The following TCF25 variants were observed in gnomAD, a reference collection of about 807,000 sequenced individuals.
The protein encoded by TCF25 is ribosome quality control complex subunit TCF25.
TCF25 carries 41 observed loss-of-function variants against 83.1 expected under a neutral mutation model. The ratio of observed to expected loss-of-function variants is 0.49; its 90% CI spans 0.38 to 0.64. The LOEUF is 0.64. TCF25 is among the 30% of genes least tolerant of loss of function. The pLI, the probability that TCF25 is intolerant of heterozygous loss-of-function variation, is 0.00. For synonymous variants in TCF25, 458 were observed against 365.0 expected (o/e 1.25, Z -2.90); for missense variants, 979 against 914.5 (o/e 1.07, Z -0.91).
intron 1 of TCF25, among the ~76,000 whole-genome samples, chr16:89,880,894 G>T (rs777149392): frequency 6.6e-6 from 1 of 152,214 alleles, no homozygotes; most frequent in African/African-American, 2.4e-5. Flanking sequence ...AAGGCAGCCG[G>T]CCCATGCCTA....
At chr16:89,876,256 A>G (rs1041627365) in intron 1 of TCF25, among the ~76,000 whole-genome samples, 2 of 152,160 alleles carry the variant, frequency 1.3e-5, no homozygotes, top group African/African-American at 4.8e-5. Flanking sequence ...TAAGCATTCC[A>G]TACTTTTTTG....
rs750295801 is a variant in TCF25 at position 89,905,113 on chromosome 16, C to G, written c.1628+17C>G. On this transcript the variant is annotated intron_variant, in intron 14 of 17. Transcript: ENST00000263346. The stretch of plus-strand genomic sequence containing the variant: ...TGAGAACCGGTGAGCTAGGGGTTGA[C>G]ACAAGCCCTGCCACGCCCCCTCCTC... 1 of 1,567,000 alleles carries G rather than the reference C, an allele frequency of 6.4e-7. No individual in the cohort carries two copies. The highest frequency in any genetic ancestry group is 8.7e-7 in the Non-Finnish European group (1 of 1,156,062).
chr16:89,889,410 C>CA (rs770715694), intron 5 of TCF25: 2 of 254,458 alleles, frequency 7.9e-6, no homozygotes, highest in Non-Finnish European at 1.5e-5. Context: ...CTCCTGGCTT[C>CA]AAGCGATTCT....
At chr16:89,903,497 C>T (rs1015083685) in intron 12 of TCF25, among the ~76,000 whole-genome samples, 8 of 151,912 alleles carry the variant, frequency 5.3e-5, no homozygotes, top group African/African-American at 1.7e-4. Flanking sequence ...ACGGTGAAAC[C>T]CTTTCTCTAC....
intron 12 of TCF25, 21 bp from the exon 13 acceptor site, chr16:89,904,097 G>A (rs1391012944): frequency 2.5e-6 from 4 of 1,596,746 alleles, no homozygotes; most frequent in Non-Finnish European, 3.4e-6. Flanking sequence ...GGCCCCCACA[G>A]AGCCTCCGCT....
In TCF25 at chr16:89,883,515, G is replaced by C. The variant is rs538335356; in HGVS notation, c.354+3G>C. The C allele has an allele frequency of 1.3e-6, 2 of 1,595,652 alleles. No individual in the cohort carries two copies. Among genetic ancestry groups the C allele is most frequent in the East Asian group, 2.3e-5 (1 of 44,150 alleles). ...CCGAGACAGTGCCCTCAGAGCAGGTGGGGGGCTGAGTGGTGAGGAGGTGGC... is the reference window on the plus strand; with the variant it reads ...CCGAGACAGTGCCCTCAGAGCAGGTCGGGGGCTGAGTGGTGAGGAGGTGGC... On this transcript the variant is annotated splice_donor_region_variant and intron_variant, in intron 2 of 17. Transcript: ENST00000263346.
At chr16:89,874,770 CTAATTTTTT>C (rs1235107713) in intron 1 of TCF25, 2 of 151,848 alleles carry the variant, frequency 1.3e-5, no homozygotes, top group Admixed American at 1.3e-4. Flanking sequence ...CCACGCCCGG[CTAATTTTTT>C]TTTTTTTTCT....
chr16:89,887,689 G>A lies in TCF25; in HGVS notation c.586G>A (p.Gly196Ser). 1 of 1,589,362 alleles carries A rather than the reference G, an allele frequency of 6.3e-7. No homozygotes were observed. The highest frequency in any genetic ancestry group is 8.5e-7 in the Non-Finnish European group (1 of 1,172,610). Residue 196 changes from glycine (G) to serine (S), a missense_variant, in exon 5 of 18, where the codon GGT (glycine) becomes AGT (serine). By Grantham distance (56) the Gly-to-Ser change is moderately conservative (BLOSUM62 0). Coordinates refer to ENST00000263346, the MANE Select transcript of TCF25 (RefSeq NM_014972.3). ...NPDTELKRYFGARAILGEQRP... is the reference protein window; with the variant it reads ...NPDTELKRYFSARAILGEQRP... ...AGACACAGAACTGAAAAGGTATTTT[G>A]GTGCCCGGGCAATCCTGGGGGAGCA...
At chr16:89,907,149 G>T in intron 15 of TCF25, 94 bp from the exon 16 acceptor site, 1 of 1,249,648 alleles carries the variant, frequency 8.0e-7, no homozygotes, top group Non-Finnish European at 1.2e-6. Flanking sequence ...GATGCATCCA[G>T]TCCATGCTGG....
intron 1 of TCF25, among the ~76,000 whole-genome samples, chr16:89,877,497 A>G (rs1483353861): frequency 6.6e-6 from 1 of 152,228 alleles, no homozygotes; most frequent in Non-Finnish European, 1.5e-5. Context: ...GTGGGATGCA[A>G]CTGAAACGAT....
chr16:89,899,683 G>A (rs993357267), intron 11 of TCF25, among the ~76,000 whole-genome samples: 5 of 151,818 alleles, frequency 3.3e-5, no homozygotes, highest in African/African-American at 7.3e-5. Context: ...AGCCGAGATC[G>A]CGCCATTGCA....
At chr16:89,908,103 A>G in intron 16 of TCF25, among the ~76,000 whole-genome samples, 1 of 83,252 alleles carries the variant, frequency 1.2e-5, no homozygotes, top group Admixed American at 1.4e-4. Context: ...CCCAGTTCCC[A>G]GCTCCCAGCT....
rs2044607289 is a variant in TCF25 at position 89,904,464 on chromosome 16, A to G, written c.1469+259A>G. On this transcript the variant is annotated intron_variant, in intron 13 of 17. Transcript: ENST00000263346. Reference sequence around the variant, plus strand: ...AAGAGGGTGCCAGGCGTGGCGGCACATGCCTGTAATCTCAGCTTTTTGGGA... The same window carrying G: ...AAGAGGGTGCCAGGCGTGGCGGCACGTGCCTGTAATCTCAGCTTTTTGGGA... 4 of 551,100 alleles carry G rather than the reference A, an allele frequency of 7.3e-6. No homozygotes were observed. The South Asian group carries it at 8.2e-5, about 11-fold the overall frequency. The allele number at this position is 551,100 out of a possible 1,614,324, so 34.1% of individuals were successfully genotyped here.
chr16:89,894,009 T>C, intron 7 of TCF25, 151 bp downstream of exon 7: 3 of 1,161,562 alleles, frequency 2.6e-6, no homozygotes, highest in Non-Finnish European at 3.6e-6. Context: ...GGTCTGGCCC[T>C]GTGACCAGAA....
At chr16:89,905,236 A>G in intron 14 of TCF25, 140 bp downstream of exon 14, 1 of 1,242,794 alleles carries the variant, frequency 8.0e-7, no homozygotes, top group Admixed American at 2.9e-5. Context: ...TGTGGAGCCT[A>G]CAAGACAGCG....
chr16:89,877,007 CAGG>C (rs1308559979), intron 1 of TCF25, among the ~76,000 whole-genome samples: 1 of 149,848 alleles, frequency 6.7e-6, no homozygotes, highest in Non-Finnish European at 1.5e-5. Flanking sequence ...GAGGCTGAGG[CAGG>C]AGAATTGCTT....
rs1479675627 is a variant in TCF25, at chr16:89,883,507, G to A, written c.349G>A (p.Glu117Lys). The change falls in exon 2 of 18, where the codon GAG becomes AAG. Residue 117 changes from glutamate (E) to lysine (K), a missense_variant. Physicochemically the swap from Glu to Lys is moderately conservative, Grantham distance 56 (BLOSUM62 1). Transcript: ENST00000263346. Reference sequence around the variant, plus strand: ...AGATGACACCGAGACAGTGCCCTCAGAGCAGGTGGGGGGCTGAGTGGTGAG... The same window carrying A: ...AGATGACACCGAGACAGTGCCCTCAAAGCAGGTGGGGGGCTGAGTGGTGAG... ...DGDDTETVPS[E>K]QSHASGKLRK... 1 of 1,602,318 alleles carries A rather than the reference G, an allele frequency of 6.2e-7. No individual in the cohort carries two copies. The highest frequency in any genetic ancestry group is 1.3e-5 in the African/African-American group (1 of 74,756).
chr16:89,901,056 G>GA (rs2044282738), intron 12 of TCF25: 1 of 370,798 alleles, frequency 2.7e-6, no homozygotes, highest in Non-Finnish European at 5.1e-6. Flanking sequence ...TGCAGAGACA[G>GA]AACTGGCTGG....
At chr16:89,873,937 G>A in intron 1 of TCF25, 78 bp downstream of exon 1, 4 of 1,437,774 alleles carry the variant, frequency 2.8e-6, no homozygotes, top group Non-Finnish European at 3.7e-6. Flanking sequence ...AGCCGGGTCG[G>A]GGAGCGGGGT....
Sources: gnomAD v4.1 joint callset for allele counts (sites outside exome capture counted in the v4.1 genomes callset) on GRCh38, gnomAD v4.1.1 for gene constraint, MANE v1.5 for transcripts, NCBI Gene and HGNC (gene_info 2026-07-23, HGNC 2026-07-21) for gene names.